Variants in RNF13 observed in about 807,000 individuals in gnomAD.
RNF13 encodes E3 ubiquitin-protein ligase RNF13.
Under a neutral mutation model 37.7 loss-of-function variants are expected in RNF13, and 19 were observed. The observed-to-expected ratio is 0.50, with a 90% CI of 0.35 to 0.74. The LOEUF (loss-of-function observed/expected upper bound fraction) is 0.74, where lower values mean the gene tolerates loss of function less well. RNF13 is among the 30% of genes least tolerant of loss of function. The pLI is 0.01. For synonymous variants in RNF13, 144 were observed against 157.8 expected (o/e 0.91, Z 0.65); for missense variants, 375 against 453.0 (o/e 0.83, Z 1.56).
intron 6 of RNF13, among the ~76,000 whole-genome samples, chr3:149,911,025 C>T (rs746370464): frequency 1.3e-5 from 2 of 152,138 alleles, no homozygotes; most frequent in Admixed American, 6.5e-5. Flanking sequence ...TTACAACATA[C>T]ACATTTCTGT....
chr3:149,860,118 T>C (rs548394183), intron 3 of RNF13, among the ~76,000 whole-genome samples: 2 of 151,242 alleles, frequency 1.3e-5, no homozygotes, highest in African/African-American at 4.8e-5. Context: ...AATACAAAAT[T>C]AGCCGGGCAT....
intron 3 of RNF13, among the ~76,000 whole-genome samples, chr3:149,858,053 T>C (rs1253352579): frequency 1.3e-5 from 2 of 152,180 alleles, no homozygotes; most frequent in Non-Finnish European, 2.9e-5. Flanking sequence ...TGGGTTGTTA[T>C]AAAGCCAGGA....
chr3:149,901,359 G>A (rs1486961434), intron 5 of RNF13, among the ~76,000 whole-genome samples: 3 of 152,110 alleles, frequency 2.0e-5, no homozygotes, highest in Non-Finnish European at 4.4e-5. Context: ...TTTTCTATTA[G>A]CAACATTAAG....
chr3:149,884,419 A>G (rs866205952), intron 4 of RNF13, among the ~76,000 whole-genome samples: 3 of 152,034 alleles, frequency 2.0e-5, no homozygotes, highest in African/African-American at 7.2e-5. Context: ...CTGGCTGGTC[A>G]GAGCTTGAAC....
intron 4 of RNF13, among the ~76,000 whole-genome samples, chr3:149,889,244 T>C (rs923903348): frequency 6.7e-6 from 1 of 148,160 alleles, no homozygotes; most frequent in Non-Finnish European, 1.5e-5. Flanking sequence ...GCCCCAGATA[T>C]TTATTGAATG....
At chr3:149,856,662 C>T (rs1227504139) in intron 3 of RNF13, among the ~76,000 whole-genome samples, 4 of 151,992 alleles carry the variant, frequency 2.6e-5, no homozygotes, top group South Asian at 2.1e-4. Flanking sequence ...AGGCTGGTTG[C>T]GAACCCCTGG....
intron 1 of RNF13, among the ~76,000 whole-genome samples, chr3:149,815,861 G>A (rs555758064): frequency 8.3e-4 from 126 of 152,080 alleles, no homozygotes; most frequent in African/African-American, 2.7e-3. Context: ...TAATATCTCA[G>A]GTGGTTCTTA....
At chr3:149,901,937 A>G (rs1373051148) in intron 5 of RNF13, 135 bp from the exon 6 acceptor site, 2 of 439,366 alleles carry the variant, frequency 4.6e-6, no homozygotes, top group Non-Finnish European at 8.3e-6. Context: ...AAAATCTGCA[A>G]TCTGGAAAAT....
chr3:149,924,037 A>G (rs1271120892), intron 8 of RNF13, among the ~76,000 whole-genome samples: 1 of 152,202 alleles, frequency 6.6e-6, no homozygotes, highest in African/African-American at 2.4e-5. Flanking sequence ...GCTTGGGGTG[A>G]TATCAGTGGA....
At chr3:149,888,391 A>G (rs930039432) in intron 4 of RNF13, among the ~76,000 whole-genome samples, 2 of 152,228 alleles carry the variant, frequency 1.3e-5, no homozygotes, top group Non-Finnish European at 2.9e-5. Context: ...ACTATTTATC[A>G]TCAGATATCT....
In RNF13 at chr3:149,898,865, A is replaced by T. The variant is rs145777463; in HGVS notation, c.410-3207A>T. On this transcript the variant is annotated intron_variant, in intron 5 of 9. Coordinates refer to ENST00000392894, the MANE Select transcript of RNF13 (RefSeq NM_183381.3). ...GATGAAAGGAAGGCAGCTATTTTAG[A>T]TAGGGTGGTCAGAGAAAGCTTCTGT... Among the ~76,000 whole-genome samples, 4 of 152,314 alleles carry T rather than the reference A, an allele frequency of 2.6e-5. No homozygotes were observed. The East Asian group carries it at 7.7e-4, about 29-fold the overall frequency.
intron 1 of RNF13, among the ~76,000 whole-genome samples, chr3:149,835,869 G>T (rs1721573487): frequency 8.5e-6 from 1 of 117,748 alleles, no homozygotes; most frequent in East Asian, 2.0e-4. Context: ...CCAGTACTGG[G>T]ATTGCTGGAT....
At chr3:149,879,554 T>C (rs896800891) in intron 4 of RNF13, among the ~76,000 whole-genome samples, 4 of 152,118 alleles carry the variant, frequency 2.6e-5, no homozygotes, top group Admixed American at 6.5e-5. Flanking sequence ...GTGATCCTTT[T>C]ACCTTGGCCT....
chr3:149,921,218 T>G lies in RNF13; in HGVS notation c.691T>G (p.Phe231Val), dbSNP rs1488392707. ...ACTTAAGAAACTTCCTGTACATAAA[T>G]TCAAGAAAGGTAAGTATTTGTTTTC... Reference protein sequence around the residue: ...DQLKKLPVHKFKKGDEYDVCA... With the variant: ...DQLKKLPVHKVKKGDEYDVCA... Residue 231 changes from phenylalanine to valine, a missense_variant, in exon 8 of 10, where the codon TTC (phenylalanine) becomes GTC (valine). Transcript: ENST00000392894. 6.5e-6 allele frequency: 9 copies of G among 1,378,912 alleles called. No homozygotes were observed. The South Asian group carries it at 1.6e-4, about 24-fold the overall frequency. The allele number at this position is 1,378,912 out of a possible 1,614,324, so 85.4% of individuals were successfully genotyped here. A position where few individuals can be genotyped will look rare whatever the true frequency, so the allele number is the denominator to read the frequency against.
intron 1 of RNF13, among the ~76,000 whole-genome samples, chr3:149,817,509 T>A (rs1719588819): frequency 6.6e-6 from 1 of 152,210 alleles, no homozygotes; most frequent in African/African-American, 2.4e-5. Flanking sequence ...TCTCCAGATT[T>A]GTTATTTTTA....
intron 8 of RNF13, among the ~76,000 whole-genome samples, chr3:149,942,037 C>T (rs1308806412): frequency 1.3e-5 from 2 of 151,890 alleles, no homozygotes; most frequent in African/African-American, 2.4e-5. Context: ...AGGGTTTATT[C>T]CTAGGCTCTA....
At chr3:149,955,247 ATAGT>A (rs1404625443) in intron 8 of RNF13, among the ~76,000 whole-genome samples, 2 of 152,022 alleles carry the variant, frequency 1.3e-5, no homozygotes, top group African/African-American at 4.8e-5. Context: ...AAATGGAGTA[ATAGT>A]TAATTTTTAT....
chr3:149,853,455 G>GGAGA (rs397842025), intron 3 of RNF13, among the ~76,000 whole-genome samples: 2,229 of 117,214 alleles, frequency 0.019, 80 homozygotes, highest in African/African-American at 0.039. Flanking sequence ...AGAGAGAGAG[G>GGAGA]GAGAGAGAGA....
intron 3 of RNF13, among the ~76,000 whole-genome samples, chr3:149,869,554 C>G (rs890365806): frequency 6.6e-6 from 1 of 151,190 alleles, no homozygotes; most frequent in Non-Finnish European, 1.5e-5. Flanking sequence ...TGCAGTGAGC[C>G]GAGATCCCGC....
Sources: gnomAD v4.1 joint callset for allele counts (sites outside exome capture counted in the v4.1 genomes callset) on GRCh38, gnomAD v4.1.1 for gene constraint, MANE v1.5 for transcripts, NCBI Gene and HGNC (gene_info 2026-07-23, HGNC 2026-07-21) for gene names.